The following ASB18 variants were observed in gnomAD, a reference collection of about 807,000 sequenced individuals.
ASB18 encodes ankyrin repeat and SOCS box protein 18.
In ASB18, 33 loss-of-function variants were observed where a neutral mutation model predicts 33.4. That is an observed-to-expected ratio of 0.99 (90% CI 0.75 to 1.32). ASB18 has a LOEUF of 1.32. Ranked by LOEUF, ASB18 falls within the 40% of genes most tolerant of loss-of-function variation. The pLI, the probability that ASB18 is intolerant of heterozygous loss-of-function variation, is 0.00. For missense variants in ASB18, 694 were observed against 655.5 expected (o/e 1.06, Z -0.64); for synonymous variants, 295 against 307.6 (o/e 0.96, Z 0.43).
chr2:236,217,362 G>A lies in ASB18; in HGVS notation c.597-2496C>T, dbSNP rs2060492592. Among the ~76,000 whole-genome samples, 1 of 151,120 alleles carries A rather than the reference G, an allele frequency of 6.6e-6. No individual in the cohort carries two copies. Among genetic ancestry groups the A allele is most frequent in the Non-Finnish European group, 1.5e-5 (1 of 67,894 alleles). ...GTGGAGGTTGCAGTGAGCCAAGATC[G>A]TGCCCCTGAACTCCATCCAGCCTGG... On this transcript the variant is annotated intron_variant, in intron 3 of 5. Coordinates refer to ENST00000409749, the MANE Select transcript of ASB18 (RefSeq NM_212556.4). The surrounding 1 kb of genome is among the most constrained non-coding windows in gnomAD (Gnocchi z 5.2).
Position 236,214,474 on chromosome 2 carries a change from A to T in ASB18, c.989T>A (p.Leu330Gln). Residue 330 changes from leucine (L) to glutamine (Q), a missense_variant, in exon 4 of 6, where the codon CTG (leucine) becomes CAG (glutamine). By Grantham distance (113) the Leu-to-Gln change is moderately radical (BLOSUM62 -2). Transcript: ENST00000409749. The surrounding 1 kb of genome is among the most constrained non-coding windows in gnomAD (Gnocchi z 6.5). ...GALDYGGASPLGRVLQTASCA... is the reference protein window; with the variant it reads ...GALDYGGASPQGRVLQTASCA... The stretch of plus-strand genomic sequence containing the variant: ...GGATGCGGTCTGGAGCACGCGGCCC[A>T]GCGGCGAGGCCCCGCCATAGTCGAG... The T allele has an allele frequency of 3.3e-6, 5 of 1,511,674 alleles. No individual in the cohort carries two copies. Among genetic ancestry groups the T allele is most frequent in the Non-Finnish European group, 4.4e-6 (5 of 1,136,378 alleles). The allele number at this position is 1,511,674 out of a possible 1,614,324, so 93.6% of individuals were successfully genotyped here.
At chr2:236,258,099 A>G (rs570714909) in intron 1 of ASB18, among the ~76,000 whole-genome samples, 1 of 152,344 alleles carries the variant, frequency 6.6e-6, no homozygotes, top group South Asian at 2.1e-4. Flanking sequence ...TTCGTAAACC[A>G]GCTTCCTATG....
chr2:236,228,072 A>G lies in ASB18; in HGVS notation c.596+9617T>C, dbSNP rs2060548525. ...TTCTATAATTTTTTCACAAGATGAT[A>G]CCTTTTTACATCCCAGCAAATCATC... On this transcript the variant is annotated intron_variant, in intron 3 of 5. Coordinates refer to ENST00000409749, the MANE Select transcript of ASB18 (RefSeq NM_212556.4). The surrounding 1 kb of genome is among the most constrained non-coding windows in gnomAD (Gnocchi z 5.1). Among the ~76,000 whole-genome samples the G allele has an allele frequency of 6.6e-6, 1 of 152,230 alleles. No individual in the cohort carries two copies. The highest frequency in any genetic ancestry group is 2.4e-5 in the African/African-American group (1 of 41,464).
At position 236,221,710 on chromosome 2, in the gene ASB18, C is replaced by T. The variant is rs528183212; in HGVS notation, c.597-6844G>A. On this transcript the variant is annotated intron_variant, in intron 3 of 5. Coordinates refer to ENST00000409749, the MANE Select transcript of ASB18 (RefSeq NM_212556.4). The surrounding 1 kb of genome is among the most constrained non-coding windows in gnomAD (Gnocchi z 5.6). ...TACAGCATCTGTCTCCTTAAGTCAC[C>T]GGAGTCCTTGGGCAATCCTGAGCTC... is the stretch of plus-strand genomic sequence containing the variant. Among the ~76,000 whole-genome samples the T allele has an allele frequency of 9.5e-4, 145 of 152,144 alleles. No homozygotes were observed. Among genetic ancestry groups the T allele is most frequent in the Admixed American group, 1.8e-3 (28 of 15,278 alleles).
rs539310580 is a variant in ASB18 at position 236,235,789 on chromosome 2, G to T, written c.596+1900C>A. ...TGGCGTGAACATGGCTTACTCCTGT[G>T]CTCAAGCGATCCTCCCACCTCAGCC... is the stretch of plus-strand genomic sequence containing the variant. On this transcript the variant is annotated intron_variant, in intron 3 of 5. Transcript: ENST00000409749. This position sits in a 1 kb window ranked among gnomAD's most constrained non-coding sequence, Gnocchi z 6.2. Among the ~76,000 whole-genome samples, 4 of 152,312 alleles carry T rather than the reference G, an allele frequency of 2.6e-5. No individual in the cohort carries two copies. The highest frequency in any genetic ancestry group is 2.0e-4 in the Admixed American group (3 of 15,298).
In ASB18 at chr2:236,196,658, A is replaced by G. The variant is rs1479359072; in HGVS notation, c.1102-273T>C. 6.6e-6 allele frequency among the ~76,000 whole-genome samples: 1 copy of G among 152,204 alleles called. No individual in the cohort carries two copies. The highest frequency in any genetic ancestry group is 1.5e-5 in the Non-Finnish European group (1 of 68,022). ...CAAAGTCTGGGCCAAGTGCTTAAGC[A>G]TTCAGGTTCCCAGGGGGGCTATGCT... is the stretch of plus-strand genomic sequence containing the variant. On this transcript the variant is annotated intron_variant, in intron 4 of 5. Transcript: ENST00000409749. This position sits in a 1 kb window ranked among gnomAD's most constrained non-coding sequence, Gnocchi z 5.6.
Position 236,220,275 on chromosome 2 carries a change from G to C in ASB18, c.597-5409C>G, listed in dbSNP as rs576057168. On this transcript the variant is annotated intron_variant, in intron 3 of 5. Coordinates refer to ENST00000409749, the MANE Select transcript of ASB18 (RefSeq NM_212556.4). This position sits in a 1 kb window ranked among gnomAD's most constrained non-coding sequence, Gnocchi z 5.1. ...TCCTAGTCCCTTCCCAGGGCACAAG[G>C]CCTGGAGGCCTCAGCCTGGGCTCTC... Among the ~76,000 whole-genome samples the C allele has an allele frequency of 6.6e-6, 1 of 152,236 alleles. No individual in the cohort carries two copies. Among genetic ancestry groups the C allele is most frequent in the Non-Finnish European group, 1.5e-5 (1 of 68,004 alleles).
In ASB18 at chr2:236,214,238, A is replaced by G. The variant is rs1559329776; in HGVS notation, c.1101+124T>C. On this transcript the variant is annotated intron_variant, in intron 4 of 5. Coordinates refer to ENST00000409749, the MANE Select transcript of ASB18 (RefSeq NM_212556.4). This position sits in a 1 kb window ranked among gnomAD's most constrained non-coding sequence, Gnocchi z 6.5. ...CCGGCAGAGCAGATTCTGCATTTTC[A>G]CAAGTCCCCAGGGGTGCCTGGGCCA... 9.8e-7 allele frequency: 1 copy of G among 1,024,700 alleles called. No individual in the cohort carries two copies. Among genetic ancestry groups the G allele is most frequent in the East Asian group, 3.0e-5 (1 of 33,090 alleles). The allele number at this position is 1,024,700 out of a possible 1,614,324, so 63.5% of individuals were successfully genotyped here.
In ASB18 at chr2:236,211,359, C is replaced by T. The variant is rs1200732010; in HGVS notation, c.1101+3003G>A. On this transcript the variant is annotated intron_variant, in intron 4 of 5. Coordinates refer to ENST00000409749, the MANE Select transcript of ASB18 (RefSeq NM_212556.4). The surrounding 1 kb of genome is among the most constrained non-coding windows in gnomAD (Gnocchi z 5.0). ...CACGTGGGCTTCCGAAGCCGTGACA[C>T]TACTTTGATTCTCACTGCAGAGCAC... 6.6e-6 allele frequency among the ~76,000 whole-genome samples: 1 copy of T among 152,244 alleles called. No individual in the cohort carries two copies. The highest frequency in any genetic ancestry group is 2.4e-5 in the African/African-American group (1 of 41,478).
Position 236,204,828 on chromosome 2 carries a change from C to T in ASB18, c.1102-8443G>A, listed in dbSNP as rs1268754314. Among the ~76,000 whole-genome samples the T allele has an allele frequency of 6.6e-6, 1 of 152,070 alleles. No individual in the cohort carries two copies. On this transcript the variant is annotated intron_variant, in intron 4 of 5. Transcript: ENST00000409749. This position sits in a 1 kb window ranked among gnomAD's most constrained non-coding sequence, Gnocchi z 5.1. ...AACTCCCTTGTTCACCAGGTCCCAA[C>T]CTGCTGTGCCACCCATAACCTGCCC...
Position 236,241,499 on chromosome 2 carries a change from C to G in ASB18, c.206-97G>C, listed in dbSNP as rs761769548. On this transcript the variant is annotated intron_variant, in intron 1 of 5. Coordinates refer to ENST00000409749, the MANE Select transcript of ASB18 (RefSeq NM_212556.4). This position sits in a 1 kb window ranked among gnomAD's most constrained non-coding sequence, Gnocchi z 4.2. The stretch of plus-strand genomic sequence containing the variant: ...TGAAATATTTGAAGTTTTCCTCTCA[C>G]TGGCCCTGGCTGTCTCTCCATTGAG... 138 of 1,418,238 alleles carry G rather than the reference C, an allele frequency of 9.7e-5. 1 individual carries two copies. The highest frequency in any genetic ancestry group is 4.9e-6 in the Non-Finnish European group (5 of 1,020,382). The allele number at this position is 1,418,238 out of a possible 1,614,324, so 87.9% of individuals were successfully genotyped here.
rs199966564 is a variant in ASB18, at chr2:236,195,821, TCA to T, written c.1215+449_1215+450del. Among the ~76,000 whole-genome samples the T allele has an allele frequency of 7.1e-3, 1,075 of 152,274 alleles. 7 individuals are homozygous for T. The highest frequency in any genetic ancestry group is 0.011 in the Non-Finnish European group (739 of 68,006). On this transcript the variant is annotated intron_variant, in intron 5 of 5. Transcript: ENST00000409749. The surrounding 1 kb of genome is among the most constrained non-coding windows in gnomAD (Gnocchi z 5.5). ...ATGAGCCACCGCACCTGGCCTGTTCTCACTCTCTTTTAATGGACAGTCACCTG... is the reference window on the plus strand; with the variant it reads ...ATGAGCCACCGCACCTGGCCTGTTCTCTCTCTTTTAATGGACAGTCACCTG...
rs1223546418 is a variant in ASB18 at position 236,241,710 on chromosome 2, T to TGA, written c.206-309_206-308insTC. 6.6e-6 allele frequency among the ~76,000 whole-genome samples: 1 copy of TGA among 152,182 alleles called. No homozygotes were observed. Among genetic ancestry groups the TGA allele is most frequent in the Non-Finnish European group, 1.5e-5 (1 of 68,034 alleles). On this transcript the variant is annotated intron_variant, in intron 1 of 5. Coordinates refer to ENST00000409749, the MANE Select transcript of ASB18 (RefSeq NM_212556.4). This position sits in a 1 kb window ranked among gnomAD's most constrained non-coding sequence, Gnocchi z 4.2. ...GACCAGGGGCATGTGAGCACTGGGA[T>TGA]GCCGCAGTACTCAGCCACCCTCTTT...
In ASB18 at chr2:236,209,558, C is replaced by T. The variant is rs924826179; in HGVS notation, c.1101+4804G>A. Among the ~76,000 whole-genome samples, 5 of 152,202 alleles carry T rather than the reference C, an allele frequency of 3.3e-5. No homozygotes were observed. Among genetic ancestry groups the T allele is most frequent in the African/African-American group, 1.2e-4 (5 of 41,454 alleles). ...GGATTATAGGCGTGAGCTATTGCCTCTGGCCTAGAATCTGTTATTCTTGCA... is the reference window on the plus strand; with the variant it reads ...GGATTATAGGCGTGAGCTATTGCCTTTGGCCTAGAATCTGTTATTCTTGCA... On this transcript the variant is annotated intron_variant, in intron 4 of 5. Transcript: ENST00000409749. The surrounding 1 kb of genome is among the most constrained non-coding windows in gnomAD (Gnocchi z 4.4).
chr2:236,243,846 A>G (rs142293779), intron 1 of ASB18, among the ~76,000 whole-genome samples: 2,104 of 151,404 alleles, frequency 0.014, 54 homozygotes, highest in African/African-American at 0.049. Context: ...CTTTTTTTTG[A>G]GATAGAGTCT....
chr2:236,237,958 T>C lies in ASB18; in HGVS notation c.329-2A>G. 1 of 1,491,876 alleles carries C rather than the reference T, an allele frequency of 6.7e-7. No homozygotes were observed. Among genetic ancestry groups the C allele is most frequent in the Non-Finnish European group, 8.9e-7 (1 of 1,128,402 alleles). 92.4% of individuals were successfully genotyped at this position (1,491,876 alleles called of 1,614,324 possible). On this transcript the variant is annotated splice_acceptor_variant, in intron 2 of 5. Transcript: ENST00000409749. LOFTEE classifies it high-confidence loss of function. This position sits in a 1 kb window ranked among gnomAD's most constrained non-coding sequence, Gnocchi z 6.2. ...GCTTGTACTCCAGGGTCCAGAGGCCTGCGGGGAGGGAGGTGGGATGTAAGG... is the reference window on the plus strand; with the variant it reads ...GCTTGTACTCCAGGGTCCAGAGGCCCGCGGGGAGGGAGGTGGGATGTAAGG...
rs1198958181 is a variant in ASB18, at chr2:236,257,229, C to A, written c.205+6912G>T. Among the ~76,000 whole-genome samples the A allele has an allele frequency of 6.6e-6, 1 of 152,124 alleles. No individual in the cohort carries two copies. The highest frequency in any genetic ancestry group is 1.5e-5 in the Non-Finnish European group (1 of 68,030). On this transcript the variant is annotated intron_variant, in intron 1 of 5. Coordinates refer to ENST00000409749, the MANE Select transcript of ASB18 (RefSeq NM_212556.4). This position sits in a 1 kb window ranked among gnomAD's most constrained non-coding sequence, Gnocchi z 5.5. ...GGCTTGTGAATCAAAGTAATAAGAG[C>A]AATGCTCAGGCTGGTGGTGGGATAG...
chr2:236,255,098 C>A lies in ASB18; in HGVS notation c.205+9043G>T, dbSNP rs2060686081. ...CGAAGCCGCTACGCTTCCTGTACAG[C>A]CTGCAGAACCGTGAGCCAATTAAAC... On this transcript the variant is annotated intron_variant, in intron 1 of 5. Transcript: ENST00000409749. The surrounding 1 kb of genome is among the most constrained non-coding windows in gnomAD (Gnocchi z 4.4). 6.6e-6 allele frequency among the ~76,000 whole-genome samples: 1 copy of A among 152,190 alleles called. No homozygotes were observed. Among genetic ancestry groups the A allele is most frequent in the African/African-American group, 2.4e-5 (1 of 41,456 alleles).
rs1478101442 is a variant in ASB18, at chr2:236,216,096, A to C, written c.597-1230T>G. Among the ~76,000 whole-genome samples, 1 of 152,094 alleles carries C rather than the reference A, an allele frequency of 6.6e-6. No individual in the cohort carries two copies. The highest frequency in any genetic ancestry group is 2.4e-5 in the African/African-American group (1 of 41,416). On this transcript the variant is annotated intron_variant, in intron 3 of 5. Transcript: ENST00000409749. This position sits in a 1 kb window ranked among gnomAD's most constrained non-coding sequence, Gnocchi z 6.1. Reference sequence around the variant, plus strand: ...CCCCTACTCAAATGGCCGAATCTTCAAGCCGGAGTCCATTCTTCACCCCCC... The same window carrying C: ...CCCCTACTCAAATGGCCGAATCTTCCAGCCGGAGTCCATTCTTCACCCCCC...
Sources: gnomAD v4.1 joint callset for allele counts (sites outside exome capture counted in the v4.1 genomes callset) on GRCh38, gnomAD v4.1.1 for gene constraint, Gnocchi (gnomAD v3.1) non-coding constraint, MANE v1.5 for transcripts, NCBI Gene and HGNC (gene_info 2026-07-23, HGNC 2026-07-21) for gene names.